The following RBM4B variants were observed in gnomAD, a reference collection of about 807,000 sequenced individuals.
RBM4B encodes the protein RNA binding motif protein 4B.
RBM4B carries 13 observed loss-of-function variants against 28.5 expected under a neutral mutation model. The ratio of observed to expected loss-of-function variants is 0.46; its 90% CI spans 0.30 to 0.72. RBM4B has a LOEUF of 0.72. RBM4B is among the 30% of genes least tolerant of loss of function. The pLI is 0.09. For synonymous variants in RBM4B, 167 were observed against 179.1 expected, an observed-to-expected ratio of 0.93 and a Z score of 0.54; for missense variants, 387 against 477.6, an observed-to-expected ratio of 0.81 and a Z score of 1.77.
At chr11:66,670,832 G>A (rs191534120) in intron 2 of RBM4B, 456 of 625,090 alleles carry the variant, frequency 7.3e-4, no homozygotes, top group African/African-American at 6.7e-3. Context: ...AATGGAAAAC[G>A]CAGTCAGTAC....
rs541700514 is a variant in RBM4B, at chr11:66,676,441, C to T, written c.412+227G>A. On this transcript the variant is annotated intron_variant, in intron 2 of 3. Coordinates refer to ENST00000310046, the MANE Select transcript of RBM4B (RefSeq NM_031492.4). ...GAATCCCGCAGGGTAAAGTAACCCA[C>T]AGTTTGTGATTCTATGCAGTCGGTG... 42 of 604,372 alleles carry T rather than the reference C, an allele frequency of 6.9e-5. No homozygotes were observed. In the East Asian group the frequency reaches 1.1e-3, roughly 16 times the overall value. The allele number at this position is 604,372 out of a possible 1,614,324, so 37.4% of individuals were successfully genotyped here.
rs1190260660 is a variant in RBM4B at position 66,668,977 on chromosome 11, AGTT to A, written c.724_726del (p.Asn242del). ...AGATGGGACATGGTCTGCTCTGCGT[AGTT>A]GTATGCAGAAGCCGCTGCCGCCGCT... is the stretch of plus-strand genomic sequence containing the variant. On this transcript the variant is annotated inframe_deletion, in exon 3 of 4. Coordinates refer to ENST00000310046, the MANE Select transcript of RBM4B (RefSeq NM_031492.4). 1 of 1,614,232 alleles carries A rather than the reference AGTT, an allele frequency of 6.2e-7. No individual in the cohort carries two copies. Among genetic ancestry groups the A allele is most frequent in the South Asian group, 1.1e-5 (1 of 91,086 alleles).
intron 3 of RBM4B, chr11:66,666,913 T>TC (rs1314088888): frequency 1.3e-5 from 2 of 150,576 alleles, no homozygotes; most frequent in African/African-American, 4.9e-5. Flanking sequence ...CTTTTTAATT[T>TC]TTTTTTTTTT....
intron 2 of RBM4B, chr11:66,676,355 C>T (rs1406150285): frequency 7.7e-6 from 4 of 520,122 alleles, no homozygotes; most frequent in Non-Finnish European, 1.3e-5. Context: ...CCTCCCTTCT[C>T]TCATGAGGTA....
intron 2 of RBM4B, among the ~76,000 whole-genome samples, chr11:66,670,697 G>T (rs1441382701): frequency 6.6e-6 from 1 of 151,980 alleles, no homozygotes; most frequent in African/African-American, 2.4e-5. Flanking sequence ...AAAAGAAAAT[G>T]CACGGGAGGC....
At chr11:66,668,335 AC>A in intron 3 of RBM4B, 1 of 345,556 alleles carries the variant, frequency 2.9e-6, no homozygotes. Flanking sequence ...TTTTTCTGTA[AC>A]CCAAATATGC....
chr11:66,665,587 G>A lies in RBM4B; in HGVS notation c.*10-9C>T, dbSNP rs1939194597. 1 of 1,535,954 alleles carries A rather than the reference G, an allele frequency of 6.5e-7. No individual in the cohort carries two copies. Among genetic ancestry groups the A allele is most frequent in the East Asian group, 2.4e-5 (1 of 40,926 alleles). ...GTCCGCAATTATCCTACCTGAAAGAGAGCACAACACAAGAGGCTTACACAA... is the reference window on the plus strand; with the variant it reads ...GTCCGCAATTATCCTACCTGAAAGAAAGCACAACACAAGAGGCTTACACAA... On this transcript the variant is annotated splice_polypyrimidine_tract_variant and intron_variant, in intron 3 of 3. Coordinates refer to ENST00000310046, the MANE Select transcript of RBM4B (RefSeq NM_031492.4).
intron 3 of RBM4B, 159 bp downstream of exon 3, chr11:66,668,456 T>C (rs1939328649): frequency 3.3e-6 from 2 of 599,752 alleles, no homozygotes; most frequent in Admixed American, 3.0e-5. Flanking sequence ...CAAATGGAAC[T>C]TGTGGCCTAA....
At chr11:66,674,167 ATTTTTTTTTCTTTT>A (rs1939557529) in intron 2 of RBM4B, among the ~76,000 whole-genome samples, 1 of 132,768 alleles carries the variant, frequency 7.5e-6, no homozygotes, top group African/African-American at 2.9e-5. Flanking sequence ...CAATTAACTG[ATTTTTTTTTCTTTT>A]TTTTTTTTTT....
At chr11:66,670,813 A>T (rs528535950) in intron 2 of RBM4B, 2 of 634,274 alleles carry the variant, frequency 3.2e-6, no homozygotes, top group Admixed American at 5.2e-5. Flanking sequence ...ATCTCAAAAA[A>T]AAAAAAAAAA....
intron 1 of RBM4B, chr11:66,677,558 A>C (rs1590890401): frequency 6.3e-6 from 1 of 159,098 alleles, no homozygotes; most frequent in Non-Finnish European, 1.4e-5. Context: ...CCAGCGGCCC[A>C]CCCTCCAGCT....
Position 66,665,488 on chromosome 11 carries a change from A to C in RBM4B, c.*100T>G. The C allele has an allele frequency of 1.1e-6, 1 of 936,514 alleles. No individual in the cohort carries two copies. Among genetic ancestry groups the C allele is most frequent in the Non-Finnish European group, 1.7e-6 (1 of 604,668 alleles). The allele number at this position is 936,514 out of a possible 1,614,324, so 58.0% of individuals were successfully genotyped here. On this transcript the variant is annotated 3_prime_UTR_variant, in exon 4 of 4. Coordinates refer to ENST00000310046, the MANE Select transcript of RBM4B (RefSeq NM_031492.4). ...AACTCCTTTTGTTTACTGAAACATG[A>C]AGCAATGGAAACATCCCGGCAAAGG...
chr11:66,666,666 A>G lies in RBM4B; in HGVS notation c.*10-1088T>C, dbSNP rs115156643. 1,159 of 153,992 alleles carry G rather than the reference A, an allele frequency of 7.5e-3. 13 individuals are homozygous for G. Among genetic ancestry groups the G allele is most frequent in the African/African-American group, 0.026 (1,082 of 41,602 alleles). 9.5% of individuals were successfully genotyped at this position (153,992 alleles called of 1,614,324 possible). On this transcript the variant is annotated intron_variant, in intron 3 of 3. Coordinates refer to ENST00000310046, the MANE Select transcript of RBM4B (RefSeq NM_031492.4). The stretch of plus-strand genomic sequence containing the variant: ...GAGACAGGTTATCTGATAGATTTAT[A>G]CCAGCTTACTTCGGAAGCATGTCCC...
intron 3 of RBM4B, chr11:66,668,393 T>C: frequency 2.0e-6 from 1 of 493,270 alleles, no homozygotes; most frequent in Non-Finnish European, 3.6e-6. Flanking sequence ...GAATTTGTTG[T>C]TCTCTCAGAA....
intron 2 of RBM4B, 87 bp from the exon 3 acceptor site, chr11:66,669,378 C>A: frequency 7.9e-7 from 1 of 1,262,506 alleles, no homozygotes; most frequent in South Asian, 1.4e-5. Context: ...AATTAGTTGT[C>A]ATAAGACACA....
In RBM4B at chr11:66,665,263, G is replaced by A; in HGVS notation, c.*325C>T. On this transcript the variant is annotated 3_prime_UTR_variant, in exon 4 of 4. Coordinates refer to ENST00000310046, the MANE Select transcript of RBM4B (RefSeq NM_031492.4). The stretch of plus-strand genomic sequence containing the variant: ...AAAGGAGATGCTGCAGGTAGGCAGG[G>A]AGAAGGATTCAACTCCTAGGGAAAG... 2.7e-6 allele frequency: 1 copy of A among 369,406 alleles called. No individual in the cohort carries two copies. The highest frequency in any genetic ancestry group is 5.0e-6 in the Non-Finnish European group (1 of 201,912). The allele number at this position is 369,406 out of a possible 1,614,324, so 22.9% of individuals were successfully genotyped here. A position where few individuals can be genotyped will look rare whatever the true frequency, so the allele number is the denominator to read the frequency against.
chr11:66,669,772 A>T (rs1164060532), intron 2 of RBM4B, among the ~76,000 whole-genome samples: 1 of 152,224 alleles, frequency 6.6e-6, no homozygotes, highest in Non-Finnish European at 1.5e-5. Flanking sequence ...TACAGATGAG[A>T]GCTAGAAAAT....
intron 2 of RBM4B, chr11:66,676,328 A>G (rs1939633798): frequency 4.5e-6 from 2 of 448,120 alleles, no homozygotes; most frequent in Non-Finnish European, 7.9e-6. Flanking sequence ...AGAAGCAGGT[A>G]AGCCACGGAC....
intron 3 of RBM4B, chr11:66,666,252 G>GA (rs917142750): frequency 8.6e-4 from 873 of 1,020,004 alleles, no homozygotes; most frequent in Middle Eastern, 2.5e-3. Context: ...ATGGCTGGGG[G>GA]AAAAAAAAAG....
Sources: gnomAD v4.1 joint callset for allele counts (sites outside exome capture counted in the v4.1 genomes callset) on GRCh38, gnomAD v4.1.1 for gene constraint, MANE v1.5 for transcripts, NCBI Gene and HGNC (gene_info 2026-07-23, HGNC 2026-07-21) for gene names.